USHBP1: variants seen among roughly 807,000 people sequenced by gnomAD.
USHBP1 encodes USH1 protein network component harmonin binding protein 1, also known as harmonin-binding protein USHBP1.
In USHBP1, 67 loss-of-function variants were observed where a neutral mutation model predicts 76.2. The ratio of observed to expected loss-of-function variants is 0.88; its 90% confidence interval spans 0.72 to 1.08. The LOEUF (loss-of-function observed/expected upper bound fraction) is 1.08. USHBP1 is among the 50% of genes least tolerant of loss of function. USHBP1 has a pLI of 0.00. For missense variants in USHBP1, 931 were observed against 915.0 expected (o/e 1.02, Z -0.23); for synonymous variants, 322 against 362.2 (o/e 0.89, Z 1.26).
chr19:17,260,764 A>G (rs1315697610), intron 4 of USHBP1, among the ~76,000 whole-genome samples: 2 of 152,156 alleles, frequency 1.3e-5, no homozygotes, highest in African/African-American at 4.8e-5. Flanking sequence ...TCTCATGGAC[A>G]CTTGAGCTTA....
intron 7 of USHBP1, among the ~76,000 whole-genome samples, chr19:17,259,017 T>C (rs2073655729): frequency 6.6e-6 from 1 of 151,670 alleles, no homozygotes; most frequent in African/African-American, 2.4e-5. Flanking sequence ...ATACAAAAAT[T>C]AGCTGGCTAT....
In USHBP1 at chr19:17,258,098, C is replaced by T. The variant is rs899483116; in HGVS notation, c.1220+114G>A. On this transcript the variant is annotated intron_variant, in intron 8 of 12. Transcript: ENST00000252597. ...CAACTACAGTGAGCTCCATACCGACCTTGCTGGACACAGCCACACCAAGCC... is the reference window on the plus strand; with the variant it reads ...CAACTACAGTGAGCTCCATACCGACTTTGCTGGACACAGCCACACCAAGCC... The T allele has an allele frequency of 8.2e-6, 12 of 1,472,084 alleles. No individual in the cohort carries two copies. The African/African-American group carries it at 1.5e-4, about 19-fold the overall frequency. The allele number at this position is 1,472,084 out of a possible 1,614,324, so 91.2% of individuals were successfully genotyped here. A position where few individuals can be genotyped will look rare whatever the true frequency, so the allele number is the denominator to read the frequency against.
chr19:17,254,071 C>T (rs1375405047), intron 10 of USHBP1, among the ~76,000 whole-genome samples: 2 of 150,466 alleles, frequency 1.3e-5, no homozygotes, highest in African/African-American at 2.4e-5. Context: ...TGGCCAGGCA[C>T]GGTGGCTCAC....
rs149022063 is a variant in USHBP1, at chr19:17,264,251, G to C, written c.49C>G (p.Pro17Ala). Residue 17 changes from proline to alanine, a missense_variant, in exon 2 of 13, where the codon CCA (proline) becomes GCA (alanine). By Grantham distance (27) the Pro-to-Ala change is conservative. Transcript: ENST00000252597. ...GGGGAGAGGGTGACACTTACGGGTG[G>C]AGCATGCCTCCCTCGCCGGCTTCGG... ...RPRSRRGRHAPPGELDPVAES... is the reference protein window; with the variant it reads ...RPRSRRGRHAAPGELDPVAES... 7.4e-5 allele frequency: 119 copies of C among 1,613,778 alleles called. No individual in the cohort carries two copies. The African/African-American group carries it at 1.5e-3, about 20-fold the overall frequency.
Position 17,251,957 on chromosome 19 carries a change from AGGCTCTGCCC to A in USHBP1, c.1743_1752del (p.Arg583ThrfsTer5). The A allele has an allele frequency of 6.5e-7, 1 of 1,549,044 alleles. No individual in the cohort carries two copies. Among genetic ancestry groups the A allele is most frequent in the Non-Finnish European group, 8.7e-7 (1 of 1,147,288 alleles). On this transcript the variant is annotated frameshift_variant, in exon 11 of 13. Coordinates refer to ENST00000252597, the MANE Select transcript of USHBP1 (RefSeq NM_031941.4). LOFTEE classifies it high-confidence loss of function. ...TCCTGGGCTAACTTCTCTGGGTCCC[AGGCTCTGCCC>A]ACCTGGCCACCATCAATGCCACTGG...
chr19:17,260,174 CT>C, intron 4 of USHBP1, 152 bp from the exon 5 acceptor site: 1 of 1,103,370 alleles, frequency 9.1e-7, no homozygotes, highest in East Asian at 2.9e-5. Context: ...ACTATCTGAC[CT>C]TGGGAATGTT....
Position 17,264,083 on chromosome 19 carries a change from C to T in USHBP1, c.122G>A (p.Ser41Asn), listed in dbSNP as rs369812372. ...VEAASGSSKP[S>N]FAPPPVSSGL... ...GGAGCTCACCGGAGGTGGGGCAAAG[C>T]TGGGCTTGGAGCTCCCACTGGCTGC... The change falls in exon 3 of 13, where the codon AGC (serine) becomes AAC (asparagine). Residue 41 changes from serine to asparagine, a missense_variant. Transcript: ENST00000252597. The T allele has an allele frequency of 6.8e-6, 11 of 1,613,894 alleles. No individual in the cohort carries two copies. In the East Asian group the frequency reaches 2.2e-4, roughly 33 times the overall value.
chr19:17,256,236 C>T (rs1170019423), intron 9 of USHBP1, among the ~76,000 whole-genome samples: 1 of 152,080 alleles, frequency 6.6e-6, no homozygotes, highest in East Asian at 1.9e-4. Flanking sequence ...GTTCTTTGCT[C>T]CCATCTCTTC....
Position 17,250,136 on chromosome 19 carries a change from A to T in USHBP1, c.*89T>A. 1 of 1,452,038 alleles carries T rather than the reference A, an allele frequency of 6.9e-7. No homozygotes were observed. The highest frequency in any genetic ancestry group is 9.2e-7 in the Non-Finnish European group (1 of 1,082,450). The allele number at this position is 1,452,038 out of a possible 1,614,324, so 89.9% of individuals were successfully genotyped here. A position where few individuals can be genotyped will look rare whatever the true frequency, so the allele number is the denominator to read the frequency against. ...ACGCCAAATGTGCCCCAACATGCCAAATCATGCAACATGACATGATGTCAC... is the reference window on the plus strand; with the variant it reads ...ACGCCAAATGTGCCCCAACATGCCATATCATGCAACATGACATGATGTCAC... On this transcript the variant is annotated 3_prime_UTR_variant, in exon 13 of 13. Transcript: ENST00000252597.
intron 7 of USHBP1, 198 bp from the exon 8 acceptor site, chr19:17,258,583 C>T: frequency 1.9e-6 from 1 of 536,546 alleles, no homozygotes. Context: ...GTGGTACGCA[C>T]CTGTAGTTCC....
In USHBP1 at chr19:17,262,826, T is replaced by A. The variant is rs746150934; in HGVS notation, c.368A>T (p.Gln123Leu). Reference sequence around the variant, plus strand: ...TGCCTCCAGGGAGCTCAGAGTGTGCTGGAGGGTCTGAAACACATCGGGGGC... The same window carrying A: ...TGCCTCCAGGGAGCTCAGAGTGTGCAGGAGGGTCTGAAACACATCGGGGGC... ...NGAPDVFQTL[Q>L]HTLSSLEAAA... Residue 123 changes from glutamine to leucine, a missense_variant, in exon 4 of 13, where the codon CAG becomes CTG. Coordinates refer to ENST00000252597, the MANE Select transcript of USHBP1 (RefSeq NM_031941.4). The A allele has an allele frequency of 4.3e-5, 70 of 1,614,070 alleles. No individual in the cohort carries two copies. The highest frequency in any genetic ancestry group is 5.4e-5 in the Non-Finnish European group (64 of 1,180,028).
At chr19:17,260,765 CT>C (rs1290359616) in intron 4 of USHBP1, among the ~76,000 whole-genome samples, 1 of 152,208 alleles carries the variant, frequency 6.6e-6, no homozygotes, top group Non-Finnish European at 1.5e-5. Flanking sequence ...CTCATGGACA[CT>C]TGAGCTTATC....
chr19:17,253,280 C>A (rs1474784520), intron 10 of USHBP1, among the ~76,000 whole-genome samples: 1 of 135,150 alleles, frequency 7.4e-6, no homozygotes, highest in Non-Finnish European at 1.6e-5. Context: ...CGTGCCCGGA[C>A]AGTAATAATT....
chr19:17,257,456 A>C (rs1476672451), intron 8 of USHBP1, among the ~76,000 whole-genome samples: 1 of 150,216 alleles, frequency 6.7e-6, no homozygotes, highest in Non-Finnish European at 1.5e-5. Context: ...CAGCCTGACC[A>C]ATATGGAGAA....
chr19:17,259,992 G>T lies in USHBP1; in HGVS notation c.673C>A (p.Leu225Met). 1 of 1,613,890 alleles carries T rather than the reference G, an allele frequency of 6.2e-7. No individual in the cohort carries two copies. The highest frequency in any genetic ancestry group is 1.1e-5 in the South Asian group (1 of 91,080). Reference sequence around the variant, plus strand: ...TGGGAAAGATGTGGGCAGGGCTCCAGCCTCAAGAGGGAATCCTGCAGCTCT... The same window carrying T: ...TGGGAAAGATGTGGGCAGGGCTCCATCCTCAAGAGGGAATCCTGCAGCTCT... ...VQELQDSLLR[L>M]EPCPHLSHNQ... is the part of the protein sequence containing the mutation. The change falls in exon 5 of 13, where the codon CTG (leucine) becomes ATG (methionine). Residue 225 changes from leucine to methionine, a missense_variant. Coordinates refer to ENST00000252597, the MANE Select transcript of USHBP1 (RefSeq NM_031941.4).
intron 8 of USHBP1, among the ~76,000 whole-genome samples, chr19:17,257,642 CAAAAAAAAAAAA>C (rs778148447): frequency 1.3e-4 from 5 of 39,574 alleles, no homozygotes; most frequent in Admixed American, 2.7e-4. Flanking sequence ...AACTCTGTCT[CAAAAAAAAAAAA>C]AAAAAAAAAA....
In USHBP1 at chr19:17,256,530, C is replaced by T. The variant is rs1166089284; in HGVS notation, c.1411G>A (p.Gly471Ser). 2 of 1,614,108 alleles carry T rather than the reference C, an allele frequency of 1.2e-6. No individual in the cohort carries two copies. The highest frequency in any genetic ancestry group is 1.7e-5 in the Admixed American group (1 of 60,016). Residue 471 changes from glycine to serine, a missense_variant, in exon 9 of 13, where the codon GGC becomes AGC. Transcript: ENST00000252597. ...TTCTCCAGTCGGGGAAGAGCTGGGC[C>T]AGCCTGGGTCCCCAGAATGGCCTGC... ...MVQAILGTQAGPALPRLEKTQ... is the reference protein window; with the variant it reads ...MVQAILGTQASPALPRLEKTQ...
chr19:17,257,366 G>C (rs993931610), intron 8 of USHBP1, among the ~76,000 whole-genome samples: 1 of 148,000 alleles, frequency 6.8e-6, no homozygotes. Context: ...GCTGCGGCCG[G>C]GCGCAGTGCC....
In USHBP1 at chr19:17,249,970, A is replaced by G. The variant is rs2073529334; in HGVS notation, c.*255T>C. 4.0e-6 allele frequency: 2 copies of G among 499,406 alleles called. No homozygotes were observed. The highest frequency in any genetic ancestry group is 3.9e-5 in the East Asian group (1 of 25,778). 30.9% of individuals were successfully genotyped at this position (499,406 alleles called of 1,614,324 possible). Reference sequence around the variant, plus strand: ...GTCAGTCCCAGGGACCTGGTCCCATAGCCCAGGTTGCTTCTGGCCTGACCC... The same window carrying G: ...GTCAGTCCCAGGGACCTGGTCCCATGGCCCAGGTTGCTTCTGGCCTGACCC... On this transcript the variant is annotated 3_prime_UTR_variant, in exon 13 of 13. Coordinates refer to ENST00000252597, the MANE Select transcript of USHBP1 (RefSeq NM_031941.4).
Sources: allele counts gnomAD v4.1 joint callset (sites outside exome capture counted in the v4.1 genomes callset), GRCh38; gene constraint gnomAD v4.1.1; transcripts MANE v1.5; gene names NCBI Gene and HGNC (gene_info 2026-07-23, HGNC 2026-07-21).